Variants in ERP44 observed in about 807,000 individuals in gnomAD.
ERP44 encodes the protein endoplasmic reticulum protein 44, also known as endoplasmic reticulum resident protein 44.
ERP44 carries 25 observed loss-of-function variants against 53.4 expected under a neutral mutation model. The observed-to-expected ratio is 0.47, with a 90% CI of 0.34 to 0.65. The LOEUF (loss-of-function observed/expected upper bound fraction) is 0.65, where lower values mean the gene tolerates loss of function less well. Ranked by LOEUF, ERP44 falls within the 30% of genes least tolerant of loss-of-function variation. The pLI is 0.01. For synonymous variants in ERP44, 145 were observed against 161.2 expected (o/e 0.90, Z 0.76); for missense variants, 338 against 493.2 (o/e 0.69, Z 2.98).
At chr9:100,006,317 A>G (rs1830424934) in intron 10 of ERP44, among the ~76,000 whole-genome samples, 189 bp downstream of exon 10, 1 of 152,234 alleles carries the variant, frequency 6.6e-6, no homozygotes, top group Admixed American at 6.5e-5. Context: ...CTACAAGGCT[A>G]TATCATAATG....
At chr9:100,089,677 A>G (rs1355726320) in intron 1 of ERP44, among the ~76,000 whole-genome samples, 1 of 152,118 alleles carries the variant, frequency 6.6e-6, no homozygotes, top group African/African-American at 2.4e-5. Context: ...AATGGAAAGA[A>G]AATAAATCAT....
At chr9:99,995,091 T>C (rs965434209) in intron 10 of ERP44, among the ~76,000 whole-genome samples, 17 of 152,154 alleles carry the variant, frequency 1.1e-4, no homozygotes, top group East Asian at 9.6e-4. Flanking sequence ...AGTTTTTTTT[T>C]CCCCCTCCTT....
At chr9:99,989,826 T>G (rs1477327099) in intron 10 of ERP44, among the ~76,000 whole-genome samples, 1 of 152,148 alleles carries the variant, frequency 6.6e-6, no homozygotes, top group Non-Finnish European at 1.5e-5. Context: ...GAGAAGACTT[T>G]AAATGACCGG....
intron 8 of ERP44, among the ~76,000 whole-genome samples, chr9:100,012,956 T>A (rs546758591): frequency 6.6e-6 from 1 of 152,244 alleles, no homozygotes; most frequent in East Asian, 1.9e-4. Context: ...CCAGTCTAAG[T>A]GTTGGAAATG....
intron 8 of ERP44, among the ~76,000 whole-genome samples, chr9:100,014,949 C>G (rs1830513599): frequency 6.6e-6 from 1 of 152,208 alleles, no homozygotes; most frequent in African/African-American, 2.4e-5. Flanking sequence ...ATGGTCAGTT[C>G]TAGTGAGAGC....
chr9:100,017,729 T>A (rs1830538917), intron 7 of ERP44, among the ~76,000 whole-genome samples: 1 of 152,166 alleles, frequency 6.6e-6, no homozygotes, highest in Non-Finnish European at 1.5e-5. Flanking sequence ...GGATAACATG[T>A]GCTACGATTT....
intron 1 of ERP44, among the ~76,000 whole-genome samples, chr9:100,098,373 G>A (rs1366660742): frequency 2.6e-5 from 4 of 152,168 alleles, no homozygotes; most frequent in African/African-American, 9.7e-5. Flanking sequence ...GACCCAGTGA[G>A]AGTCACACAA....
At chr9:99,995,125 TAAAA>T (rs926840634) in intron 10 of ERP44, among the ~76,000 whole-genome samples, 2 of 148,214 alleles carry the variant, frequency 1.3e-5, no homozygotes, top group East Asian at 2.0e-4. Flanking sequence ...AAATGGAACT[TAAAA>T]AAAAAAATCC....
At chr9:99,986,713 G>A (rs1252540612) in intron 10 of ERP44, among the ~76,000 whole-genome samples, 5 of 152,154 alleles carry the variant, frequency 3.3e-5, no homozygotes, top group Admixed American at 6.5e-5. Flanking sequence ...TAGCTCCAAT[G>A]CAACAGAGAC....
chr9:100,001,412 T>C (rs894248912), intron 10 of ERP44, among the ~76,000 whole-genome samples: 36 of 152,184 alleles, frequency 2.4e-4, no homozygotes, highest in African/African-American at 7.7e-4. Context: ...GTCTGGATGA[T>C]GTGGCCCTTG....
intron 10 of ERP44, among the ~76,000 whole-genome samples, chr9:100,005,026 A>C (rs1198394253): frequency 1.3e-5 from 2 of 152,166 alleles, no homozygotes; most frequent in African/African-American, 4.8e-5. Flanking sequence ...TTGGCTCTTC[A>C]TGGTTTTCAG....
intron 4 of ERP44, among the ~76,000 whole-genome samples, chr9:100,023,124 C>G (rs577170722): frequency 2.0e-3 from 308 of 152,198 alleles, no homozygotes; most frequent in Admixed American, 3.2e-3. Context: ...TTCCTTGAAG[C>G]AGATGCATAA....
chr9:100,034,804 G>A (rs530876440), intron 4 of ERP44, among the ~76,000 whole-genome samples: 34 of 152,174 alleles, frequency 2.2e-4, no homozygotes, highest in African/African-American at 6.0e-4. Flanking sequence ...CAGAGGCATC[G>A]TATTACTGGA....
At chr9:100,059,247 T>C (rs1826116235) in intron 2 of ERP44, among the ~76,000 whole-genome samples, 4 of 152,226 alleles carry the variant, frequency 2.6e-5, no homozygotes, top group African/African-American at 9.6e-5. Context: ...TTATGCACAC[T>C]GTACATTTTC....
chr9:100,053,768 T>C (rs1466000638), intron 3 of ERP44, among the ~76,000 whole-genome samples: 1 of 152,198 alleles, frequency 6.6e-6, no homozygotes, highest in Non-Finnish European at 1.5e-5. Context: ...GAATCAGAAT[T>C]AGCAACCAGC....
At chr9:100,072,599 T>G (rs1448917848) in intron 1 of ERP44, among the ~76,000 whole-genome samples, 1 of 152,224 alleles carries the variant, frequency 6.6e-6, no homozygotes, top group Non-Finnish European at 1.5e-5. Flanking sequence ...CTTGGCTCAC[T>G]GCAACCTTCG....
Position 100,037,941 on chromosome 9 carries a change from A to G in ERP44, c.286+14476T>C, listed in dbSNP as rs1825861047. Among the ~76,000 whole-genome samples the G allele has an allele frequency of 3.3e-5, 5 of 152,268 alleles. No homozygotes were observed. In the South Asian group the frequency reaches 1.0e-3, roughly 32 times the overall value. On this transcript the variant is annotated intron_variant, in intron 4 of 11. Coordinates refer to ENST00000262455, the MANE Select transcript of ERP44 (RefSeq NM_015051.3). ...AGAAGAGGGTAGCATGATATATTCA[A>G]ACTGCTGAAGGAAAAAGACTTTTAT... is the stretch of plus-strand genomic sequence containing the variant.
intron 10 of ERP44, among the ~76,000 whole-genome samples, chr9:100,000,660 A>T (rs1405374345): frequency 6.6e-6 from 1 of 152,080 alleles, no homozygotes; most frequent in African/African-American, 2.4e-5. Flanking sequence ...TAATTTGTTG[A>T]CATAATTATT....
chr9:99,993,375 G>A (rs993897877), intron 10 of ERP44, among the ~76,000 whole-genome samples: 1 of 152,146 alleles, frequency 6.6e-6, no homozygotes, highest in African/African-American at 2.4e-5. Flanking sequence ...ACAACCATCT[G>A]ATCTTTGACA....
Sources: gnomAD v4.1 joint callset for allele counts (sites outside exome capture counted in the v4.1 genomes callset) on GRCh38, gnomAD v4.1.1 for gene constraint, MANE v1.5 for transcripts, NCBI Gene and HGNC (gene_info 2026-07-23, HGNC 2026-07-21) for gene names.